PTPA: variants seen among roughly 807,000 people sequenced by gnomAD.
The protein encoded by PTPA is protein phosphatase 2 phosphatase activator.
Under a neutral mutation model 43.6 loss-of-function variants are expected in PTPA, and 13 were observed. The ratio of observed to expected loss-of-function variants is 0.30; its 90% CI spans 0.19 to 0.47. PTPA has a LOEUF of 0.47. PTPA is among the 20% of genes least tolerant of loss of function. The pLI is 0.99. For missense variants in PTPA, 329 were observed against 411.9 expected, an observed-to-expected ratio of 0.80 and a Z score of 1.74; for synonymous variants, 172 against 158.2, an observed-to-expected ratio of 1.09 and a Z score of -0.66.
intron 2 of PTPA, 35 bp from the exon 3 acceptor site, chr9:129,123,017 C>G (rs1343796253): frequency 1.3e-6 from 2 of 1,539,248 alleles, no homozygotes; most frequent in Non-Finnish European, 1.8e-6. Flanking sequence ...TCTGCCACCC[C>G]TCTCCCCATC....
chr9:129,112,958 C>G (rs555204738), intron 1 of PTPA, among the ~76,000 whole-genome samples: 1 of 151,652 alleles, frequency 6.6e-6, no homozygotes, highest in East Asian at 1.9e-4. Context: ...AAAAAAAAAC[C>G]GGGGTGTCCA....
chr9:129,141,383 G>A (rs928712852), intron 8 of PTPA, among the ~76,000 whole-genome samples: 2 of 152,138 alleles, frequency 1.3e-5, no homozygotes, highest in African/African-American at 4.8e-5. Flanking sequence ...AACCTTCCAA[G>A]TCTCTGTTTC....
chr9:129,140,379 G>A (rs565961837), intron 8 of PTPA, among the ~76,000 whole-genome samples: 1 of 152,302 alleles, frequency 6.6e-6, no homozygotes, highest in East Asian at 1.9e-4. Context: ...AAGGACTTAG[G>A]GAGACCCTGG....
At chr9:129,133,394 C>A (rs1435132033) in intron 5 of PTPA, among the ~76,000 whole-genome samples, 1 of 152,178 alleles carries the variant, frequency 6.6e-6, no homozygotes, top group Non-Finnish European at 1.5e-5. Flanking sequence ...AACCCCTGAA[C>A]AATGGGAGCC....
chr9:129,145,503 A>C (rs907731115), intron 9 of PTPA, among the ~76,000 whole-genome samples: 1 of 152,102 alleles, frequency 6.6e-6, no homozygotes, highest in African/African-American at 2.4e-5. Context: ...GCCCCTAAGG[A>C]GGCCCTCCAA....
chr9:129,143,673 C>A, intron 9 of PTPA: 1 of 496,842 alleles, frequency 2.0e-6, no homozygotes, highest in Non-Finnish European at 3.7e-6. Context: ...CCCTTTGGTC[C>A]CCTTCCTCTG....
At chr9:129,115,601 T>G (rs1409243490) in intron 1 of PTPA, among the ~76,000 whole-genome samples, 1 of 152,002 alleles carries the variant, frequency 6.6e-6, no homozygotes, top group Non-Finnish European at 1.5e-5. Flanking sequence ...TGTGAGTGAT[T>G]GATGATAGTC....
At chr9:129,121,295 T>G (rs1849235038) in intron 2 of PTPA, among the ~76,000 whole-genome samples, 1 of 152,204 alleles carries the variant, frequency 6.6e-6, no homozygotes, top group African/African-American at 2.4e-5. Context: ...ACAGGGGTCC[T>G]TGCATGCTGG....
intron 3 of PTPA, among the ~76,000 whole-genome samples, chr9:129,127,560 G>A (rs1456848464): frequency 1.3e-5 from 2 of 152,188 alleles, no homozygotes; most frequent in South Asian, 2.1e-4. Context: ...CCTGGTGCTG[G>A]GCTATTTCTA....
chr9:129,116,864 C>T (rs756262258), intron 1 of PTPA, among the ~76,000 whole-genome samples: 9 of 150,722 alleles, frequency 6.0e-5, no homozygotes, highest in Non-Finnish European at 1.3e-4. Context: ...TGGGGGTCTC[C>T]CTGTGTTGCC....
intron 5 of PTPA, among the ~76,000 whole-genome samples, chr9:129,132,798 G>A (rs1170360792): frequency 6.6e-6 from 1 of 152,126 alleles, no homozygotes; most frequent in African/African-American, 2.4e-5. Flanking sequence ...GCGCCCAGCT[G>A]ATTGTTTTGT....
intron 2 of PTPA, among the ~76,000 whole-genome samples, chr9:129,122,459 G>GT (rs558243103): frequency 1.7e-4 from 26 of 152,316 alleles, no homozygotes; most frequent in Middle Eastern, 6.8e-3. Flanking sequence ...GGGAAGAAGA[G>GT]TGTCTAGTTG....
intron 6 of PTPA, among the ~76,000 whole-genome samples, chr9:129,135,371 TGACAGA>T (rs1850296513): frequency 6.6e-6 from 1 of 151,966 alleles, no homozygotes. Context: ...CCAGCCTGGG[TGACAGA>T]GTGAGACTCT....
rs940918024 is a variant in PTPA, at chr9:129,143,862, C to T, written c.894+1310C>T. Among the ~76,000 whole-genome samples the T allele has an allele frequency of 5.9e-5, 9 of 152,090 alleles. No individual in the cohort carries two copies. In the South Asian group the frequency reaches 1.9e-3, roughly 32 times the overall value. On this transcript the variant is annotated intron_variant, in intron 9 of 9. Coordinates refer to ENST00000393370, the MANE Select transcript of PTPA (RefSeq NM_178000.3). ...GTGTCCTGATGTTCCTGACCCCACC[C>T]CCGCCTGTCCCACAGTGGGGGCTGC... is the stretch of plus-strand genomic sequence containing the variant.
intron 1 of PTPA, among the ~76,000 whole-genome samples, chr9:129,118,562 G>A (rs1849043669): frequency 6.6e-6 from 1 of 151,962 alleles, no homozygotes; most frequent in African/African-American, 2.4e-5. Context: ...TAGTAGAAAT[G>A]GGGTTTCACT....
chr9:129,123,230 T>A, intron 3 of PTPA, 92 bp downstream of exon 3: 1 of 1,129,548 alleles, frequency 8.9e-7, no homozygotes, highest in Non-Finnish European at 1.3e-6. Flanking sequence ...TCTCAGCACC[T>A]TGGGAGGCCG....
chr9:129,146,575 T>C (rs1851315956), intron 9 of PTPA, among the ~76,000 whole-genome samples: 1 of 152,244 alleles, frequency 6.6e-6, no homozygotes, highest in African/African-American at 2.4e-5. Flanking sequence ...GAGGAGGCCC[T>C]GGTCAGTCTT....
intron 1 of PTPA, among the ~76,000 whole-genome samples, chr9:129,117,130 C>T (rs1848930750): frequency 6.6e-6 from 1 of 151,184 alleles, no homozygotes; most frequent in Admixed American, 6.6e-5. Flanking sequence ...TCACTTCAGC[C>T]TCAGCCTCCT....
intron 1 of PTPA, chr9:129,119,010 T>G (rs1343099517): frequency 6.1e-6 from 1 of 163,590 alleles, no homozygotes; most frequent in Non-Finnish European, 1.4e-5. Context: ...CTTGTTTTGT[T>G]TTTATTGAGA....
Sources: gnomAD v4.1 joint callset for allele counts (sites outside exome capture counted in the v4.1 genomes callset) on GRCh38, gnomAD v4.1.1 for gene constraint, MANE v1.5 for transcripts, NCBI Gene and HGNC (gene_info 2026-07-23, HGNC 2026-07-21) for gene names.